ADK: variants seen among roughly 807,000 people sequenced by gnomAD.
The protein encoded by ADK is adenosine kinase.
In ADK, 24 loss-of-function variants were observed where a neutral mutation model predicts 44.7. The observed-to-expected ratio is 0.54, with a 90% CI of 0.39 to 0.76. ADK has a LOEUF of 0.76. Among genes scored for constraint, ADK ranks in the 30% least tolerant of loss-of-function variants. ADK has a pLI of 0.00. For missense variants in ADK, 321 were observed against 425.1 expected, an observed-to-expected ratio of 0.76 and a Z score of 2.15; for synonymous variants, 128 against 142.6, an observed-to-expected ratio of 0.90 and a Z score of 0.73.
intron 6 of ADK, among the ~76,000 whole-genome samples, chr10:74,482,721 A>C (rs1847118246): frequency 6.6e-6 from 1 of 152,244 alleles, no homozygotes; most frequent in Non-Finnish European, 1.5e-5. Context: ...TAAATCAGCC[A>C]AAAGAGAGGG....
intron 9 of ADK, among the ~76,000 whole-genome samples, chr10:74,651,267 A>G (rs139889548): frequency 3.5e-4 from 53 of 152,256 alleles, no homozygotes; most frequent in East Asian, 1.5e-3. Context: ...GGCATTGGCA[A>G]TCCCTAATTA....
At chr10:74,509,862 A>C (rs1848235600) in intron 6 of ADK, among the ~76,000 whole-genome samples, 1 of 152,078 alleles carries the variant, frequency 6.6e-6, no homozygotes, top group Non-Finnish European at 1.5e-5. Flanking sequence ...CTAACATTTC[A>C]CTTAACATAA....
chr10:74,616,846 A>G (rs1338121840), intron 9 of ADK, among the ~76,000 whole-genome samples: 1 of 152,120 alleles, frequency 6.6e-6, no homozygotes, highest in Non-Finnish European at 1.5e-5. Context: ...TTTGTCTTCC[A>G]ATCCATATTT....
chr10:74,197,775 A>AG (rs1245294297), intron 1 of ADK, among the ~76,000 whole-genome samples: 3 of 151,778 alleles, frequency 2.0e-5, no homozygotes, highest in Non-Finnish European at 4.4e-5. Flanking sequence ...CTTCATTCTT[A>AG]GAATCAATTA....
intron 6 of ADK, among the ~76,000 whole-genome samples, chr10:74,507,047 T>G (rs904699902): frequency 2.6e-5 from 4 of 152,222 alleles, no homozygotes; most frequent in African/African-American, 9.6e-5. Context: ...TTTAAAAACT[T>G]TTTTCAATTT....
chr10:74,249,383 G>A (rs999687851), intron 3 of ADK, among the ~76,000 whole-genome samples: 10 of 152,098 alleles, frequency 6.6e-5, no homozygotes, highest in African/African-American at 1.7e-4. Context: ...TGGGGCATTC[G>A]TGTGTCACTG....
chr10:74,553,464 G>A (rs1280198132), intron 7 of ADK, among the ~76,000 whole-genome samples: 1 of 151,944 alleles, frequency 6.6e-6, no homozygotes, highest in Non-Finnish European at 1.5e-5. Context: ...CTCCCAAAGT[G>A]CTGGGATTAC....
Position 74,670,251 on chromosome 10 carries a change from G to A in ADK, c.946G>A (p.Gly316Arg). ...AGAAATTATTGATACCAATGGAGCT[G>A]GAGATGCATTTGTTGGAGGTACAGA... is the stretch of plus-strand genomic sequence containing the variant. ...QKEIIDTNGAGDAFVGGFLSQ... is the reference protein window; with the variant it reads ...QKEIIDTNGARDAFVGGFLSQ... The change falls in exon 10 of 11, where the codon GGA (glycine) becomes AGA (arginine). Residue 316 changes from glycine (G) to arginine (R), a missense_variant. Transcript: ENST00000539909. The A allele has an allele frequency of 6.8e-6, 11 of 1,613,266 alleles. No individual in the cohort carries two copies. Among genetic ancestry groups the A allele is most frequent in the Non-Finnish European group, 9.3e-6 (11 of 1,179,350 alleles).
intron 9 of ADK, among the ~76,000 whole-genome samples, chr10:74,660,964 G>A (rs1004039730): frequency 5.9e-5 from 9 of 151,466 alleles, no homozygotes; most frequent in South Asian, 2.1e-4. Flanking sequence ...CTCAGGAGGC[G>A]GAGGTTGCAG....
chr10:74,254,564 C>G (rs904311010), intron 3 of ADK, among the ~76,000 whole-genome samples: 7 of 150,404 alleles, frequency 4.7e-5, no homozygotes, highest in Non-Finnish European at 1.0e-4. Context: ...AAATTGTATA[C>G]CTGAAAAATA....
chr10:74,572,158 T>C (rs1274962065), intron 7 of ADK, among the ~76,000 whole-genome samples: 1 of 152,222 alleles, frequency 6.6e-6, no homozygotes, highest in Admixed American at 6.5e-5. Context: ...TTCCTTTCCA[T>C]GTTTAGTGCT....
chr10:74,440,279 TC>T (rs1030085845), intron 6 of ADK, among the ~76,000 whole-genome samples: 155 of 152,232 alleles, frequency 1.0e-3, no homozygotes, highest in African/African-American at 3.7e-3. Flanking sequence ...AATTCTGTTA[TC>T]CATTTGAAAA....
chr10:74,400,994 C>T (rs1843687451), intron 6 of ADK, among the ~76,000 whole-genome samples: 2 of 152,186 alleles, frequency 1.3e-5, no homozygotes, highest in Admixed American at 6.5e-5. Context: ...CACCAGCATC[C>T]TCTTTTGGTT....
chr10:74,256,207 G>GTAT (rs903552410), intron 3 of ADK, among the ~76,000 whole-genome samples: 15 of 152,352 alleles, frequency 9.8e-5, no homozygotes, highest in Non-Finnish European at 1.6e-4. Context: ...ATTTTATTGA[G>GTAT]TATTCAGAGT....
intron 7 of ADK, among the ~76,000 whole-genome samples, chr10:74,572,410 G>A (rs1851002866): frequency 6.6e-6 from 1 of 152,102 alleles, no homozygotes; most frequent in East Asian, 1.9e-4. Flanking sequence ...TGGGTAACCC[G>A]ACCTTTCTCT....
intron 6 of ADK, among the ~76,000 whole-genome samples, chr10:74,428,021 G>T (rs1467267290): frequency 1.3e-5 from 2 of 152,122 alleles, no homozygotes; most frequent in African/African-American, 2.4e-5. Flanking sequence ...TGGTGGTTGT[G>T]CATAATCCTT....
At position 74,525,388 on chromosome 10, in the gene ADK, G is replaced by A. The variant is rs752755443; in HGVS notation, c.688G>A (p.Val230Ile). 9 of 1,613,386 alleles carry A rather than the reference G, an allele frequency of 5.6e-6. No individual in the cohort carries two copies. Among genetic ancestry groups the A allele is most frequent in the Non-Finnish European group, 6.8e-6 (8 of 1,179,820 alleles). ...SQFYKESLMK[V>I]MPYVDILFGN... ...GTTCTACAAGGAATCATTGATGAAAGTTATGCCTTATGTTGATATACTTTT... is the reference window on the plus strand; with the variant it reads ...GTTCTACAAGGAATCATTGATGAAAATTATGCCTTATGTTGATATACTTTT... The change falls in exon 7 of 11, where the codon GTT (valine) becomes ATT (isoleucine). Residue 230 changes from valine (V) to isoleucine (I), a missense_variant. Coordinates refer to ENST00000539909, the MANE Select transcript of ADK (RefSeq NM_006721.4).
intron 10 of ADK, among the ~76,000 whole-genome samples, chr10:74,694,463 T>A (rs1379785727): frequency 1.3e-5 from 2 of 151,962 alleles, no homozygotes; most frequent in Non-Finnish European, 2.9e-5. Flanking sequence ...AACAGAAGGT[T>A]TGGGGGTTTT....
chr10:74,280,591 A>G (rs1303116838), intron 3 of ADK, among the ~76,000 whole-genome samples: 2 of 152,308 alleles, frequency 1.3e-5, no homozygotes, highest in East Asian at 3.9e-4. Flanking sequence ...TTTAATGCCA[A>G]CCATCACTTC....
Sources: allele counts gnomAD v4.1 joint callset (sites outside exome capture counted in the v4.1 genomes callset), GRCh38; gene constraint gnomAD v4.1.1; transcripts MANE v1.5; gene names NCBI Gene and HGNC (gene_info 2026-07-23, HGNC 2026-07-21).